Variants in EGF observed in about 807,000 individuals in gnomAD.
EGF encodes pro-epidermal growth factor.
Under a neutral mutation model 143.8 loss-of-function variants are expected in EGF, and 95 were observed. The ratio of observed to expected loss-of-function variants is 0.66; its 90% CI spans 0.56 to 0.78. The LOEUF (loss-of-function observed/expected upper bound fraction) is 0.78. Among genes scored for constraint, EGF ranks in the 30% least tolerant of loss-of-function variants. EGF has a pLI of 0.00. For synonymous variants in EGF, 510 were observed against 510.5 expected, an observed-to-expected ratio of 1.00 and a Z score of 0.01; for missense variants, 1,320 against 1,470.9, an observed-to-expected ratio of 0.90 and a Z score of 1.68.
At chr4:109,988,266 T>C (rs1483891640) in intron 17 of EGF, among the ~76,000 whole-genome samples, 1 of 151,998 alleles carries the variant, frequency 6.6e-6, no homozygotes, top group African/African-American at 2.4e-5. Context: ...ATGGATGGGT[T>C]CCTATTTTAT....
chr4:109,998,348 A>G (rs1194744270), intron 20 of EGF, among the ~76,000 whole-genome samples: 1 of 152,238 alleles, frequency 6.6e-6, no homozygotes, highest in Non-Finnish European at 1.5e-5. Flanking sequence ...GGTTAGTTCC[A>G]GAAGATAGCT....
intron 1 of EGF, among the ~76,000 whole-genome samples, chr4:109,929,560 A>T (rs1301555019): frequency 6.6e-6 from 1 of 152,216 alleles, no homozygotes; most frequent in African/African-American, 2.4e-5. Context: ...CTCAATTAAT[A>T]TCCTGAGGAC....
At chr4:109,976,420 TA>T (rs1221787790) in intron 13 of EGF, among the ~76,000 whole-genome samples, 185 bp downstream of exon 13, 1 of 152,114 alleles carries the variant, frequency 6.6e-6, no homozygotes, top group Non-Finnish European at 1.5e-5. Context: ...GGGTAAAAAA[TA>T]GTGTTGCGTA....
chr4:109,955,458 C>T (rs1447402450), intron 5 of EGF, among the ~76,000 whole-genome samples: 1 of 152,134 alleles, frequency 6.6e-6, no homozygotes, highest in Non-Finnish European at 1.5e-5. Flanking sequence ...TTTGCCACCA[C>T]CTAAAATGAC....
chr4:109,962,063 G>A, intron 8 of EGF, 78 bp downstream of exon 8: 1 of 1,595,688 alleles, frequency 6.3e-7, no homozygotes, highest in South Asian at 1.1e-5. Context: ...AATTGATCTT[G>A]TTGTCAAGGA....
chr4:109,987,681 A>G, intron 16 of EGF, 63 bp from the exon 17 acceptor site: 1 of 1,369,762 alleles, frequency 7.3e-7, no homozygotes, highest in South Asian at 1.2e-5. Context: ...GAACCAGAAG[A>G]TTAAAGTCCG....
At chr4:109,948,480 C>A (rs1003116163) in intron 5 of EGF, among the ~76,000 whole-genome samples, 2 of 151,872 alleles carry the variant, frequency 1.3e-5, no homozygotes, top group African/African-American at 4.8e-5. Flanking sequence ...GTTTGACATC[C>A]TTCGGATTTT....
At chr4:109,926,753 T>C (rs1340258449) in intron 1 of EGF, among the ~76,000 whole-genome samples, 1 of 152,224 alleles carries the variant, frequency 6.6e-6, no homozygotes, top group Non-Finnish European at 1.5e-5. Context: ...ATGTCAGTAG[T>C]ATGCTACCCA....
chr4:109,964,027 C>T (rs1030137991), intron 9 of EGF, among the ~76,000 whole-genome samples: 3 of 152,114 alleles, frequency 2.0e-5, no homozygotes, highest in Admixed American at 1.3e-4. Flanking sequence ...GTTACTTATT[C>T]GGACATGAAA....
intron 22 of EGF, among the ~76,000 whole-genome samples, chr4:110,005,197 C>T (rs556326896): frequency 3.3e-5 from 5 of 151,726 alleles, no homozygotes; most frequent in East Asian, 1.9e-4. Flanking sequence ...CGGCACACAC[C>T]GCCACGCCCA....
Position 109,965,149 on chromosome 4 carries a change from T to G in EGF, c.1575+612T>G, listed in dbSNP as rs11568964. Among the ~76,000 whole-genome samples, 82 of 152,306 alleles carry G rather than the reference T, an allele frequency of 5.4e-4. No individual in the cohort carries two copies. In the East Asian group the frequency reaches 9.4e-3, roughly 18 times the overall value. On this transcript the variant is annotated intron_variant, in intron 10 of 23. Coordinates refer to ENST00000265171, the MANE Select transcript of EGF (RefSeq NM_001963.6). ...ATCTCTAATTTCTTAGTTGTATCTG[T>G]GCTAGGTTAGAATGTGCTTGAAATG...
At chr4:109,942,652 T>G (rs1742118507) in intron 2 of EGF, among the ~76,000 whole-genome samples, 1 of 152,210 alleles carries the variant, frequency 6.6e-6, no homozygotes, top group Non-Finnish European at 1.5e-5. Context: ...AAGTTCTGGT[T>G]GGGCATTTTT....
At chr4:109,969,606 A>G (rs75104514) in intron 11 of EGF, among the ~76,000 whole-genome samples, 1 of 148,654 alleles carries the variant, frequency 6.7e-6, no homozygotes, top group Non-Finnish European at 1.5e-5. Flanking sequence ...ATATAATAAT[A>G]AAAAAAAAAG....
In EGF at chr4:109,961,888, G is replaced by A; in HGVS notation, c.1215G>A (p.Val405=). ...CHQLVSCPRN[V]SECSHDCVLT... is the part of the protein sequence containing the mutation. ...AACTTGTTTCCTGTCCACGCAATGTGTCTGAATGCAGCCATGACTGTGTTC... is the reference window on the plus strand; with the variant it reads ...AACTTGTTTCCTGTCCACGCAATGTATCTGAATGCAGCCATGACTGTGTTC... The change falls in exon 8 of 24, where the codon GTG becomes GTA. Residue 405 remains valine (V), a synonymous_variant. Transcript: ENST00000265171. The A allele has an allele frequency of 1.2e-6, 2 of 1,613,890 alleles. No homozygotes were observed. The highest frequency in any genetic ancestry group is 1.7e-6 in the Non-Finnish European group (2 of 1,179,836).
chr4:109,969,269 C>G, intron 11 of EGF, 150 bp downstream of exon 11: 1 of 959,332 alleles, frequency 1.0e-6, no homozygotes, highest in East Asian at 2.6e-5. Flanking sequence ...GCGGTCCACA[C>G]TCCCTCCACT....
At position 110,013,263 on chromosome 4, in the gene EGF, T is replaced by C. The variant is rs986674891; in HGVS notation, c.*1808T>C. ...GCTCACTTTTGGGTTTAGATTAAAT[T>C]TTTGTATTTTAGCACCTTTTTCTTT... On this transcript the variant is annotated 3_prime_UTR_variant, in exon 24 of 24. Coordinates refer to ENST00000265171, the MANE Select transcript of EGF (RefSeq NM_001963.6). 1.3e-5 allele frequency among the ~76,000 whole-genome samples: 2 copies of C among 152,192 alleles called. No homozygotes were observed. Among genetic ancestry groups the C allele is most frequent in the African/African-American group, 4.8e-5 (2 of 41,454 alleles).
intron 16 of EGF, among the ~76,000 whole-genome samples, chr4:109,984,982 A>G (rs1749928450): frequency 6.6e-6 from 1 of 152,200 alleles, no homozygotes; most frequent in South Asian, 2.1e-4. Flanking sequence ...AAACAGCATG[A>G]AAGAATAAAA....
At position 110,004,223 on chromosome 4, in the gene EGF, C is replaced by T. The variant is rs192567484; in HGVS notation, c.3174-282C>T. On this transcript the variant is annotated intron_variant, in intron 21 of 23. Coordinates refer to ENST00000265171, the MANE Select transcript of EGF (RefSeq NM_001963.6). ...ACATACATGGGCATACATACACACA[C>T]ACACACACACACACACACACACACA... 85 of 417,156 alleles carry T rather than the reference C, an allele frequency of 2.0e-4. No homozygotes were observed. In the East Asian group the frequency reaches 4.0e-3, roughly 20 times the overall value. 25.8% of individuals were successfully genotyped at this position (417,156 alleles called of 1,614,324 possible). A position where few individuals can be genotyped will look rare whatever the true frequency, so the allele number is the denominator to read the frequency against.
chr4:109,990,161 C>A (rs1364171704), intron 18 of EGF, among the ~76,000 whole-genome samples: 2 of 152,072 alleles, frequency 1.3e-5, no homozygotes, highest in African/African-American at 4.8e-5. Flanking sequence ...TCTGGGATAG[C>A]AATTCAATGT....
Sources: gnomAD v4.1 joint callset for allele counts (sites outside exome capture counted in the v4.1 genomes callset) on GRCh38, gnomAD v4.1.1 for gene constraint, MANE v1.5 for transcripts, NCBI Gene and HGNC (gene_info 2026-07-23, HGNC 2026-07-21) for gene names.